Variants in PFKP observed in about 807,000 individuals in gnomAD.
PFKP encodes ATP-dependent 6-phosphofructokinase, platelet type.
PFKP carries 101 observed loss-of-function variants against 94.3 expected under a neutral mutation model. That is an observed-to-expected ratio of 1.07 (90% CI 0.91 to 1.26). The LOEUF is 1.26. Among genes scored for constraint, PFKP ranks in the 50% most tolerant of loss-of-function variants. The pLI, the probability that PFKP is intolerant of heterozygous loss-of-function variation, is 0.00. For missense variants in PFKP, 1,145 were observed against 1,103.3 expected (o/e 1.04, Z -0.53); for synonymous variants, 573 against 432.6 (o/e 1.32, Z -4.03).
chr10:3,083,714 C>T (rs933410590), intron 2 of PFKP, among the ~76,000 whole-genome samples: 9 of 152,166 alleles, frequency 5.9e-5, no homozygotes, highest in African/African-American at 2.2e-4. Context: ...TTGATTTTGG[C>T]TCACTGCAAC....
chr10:3,071,445 T>TTTTTTTTTTTTTTTTTTTG (rs1564254763), intron 1 of PFKP, among the ~76,000 whole-genome samples: 1 of 138,694 alleles, frequency 7.2e-6, no homozygotes, highest in East Asian at 2.2e-4. Context: ...TTTTTTTTTT[T>TTTTTTTTTTTTTTTTTTTG]TTTTCTTTCT....
intron 15 of PFKP, 123 bp from the exon 16 acceptor site, chr10:3,119,769 T>C (rs1459830493): frequency 3.5e-6 from 2 of 575,748 alleles, no homozygotes; most frequent in South Asian, 2.4e-5. Flanking sequence ...TCGGAGTGTT[T>C]TCGTGATGCC....
At chr10:3,110,365 A>ATTTTTTTTTTTTTTTTTTTTT (rs57980780) in intron 10 of PFKP, among the ~76,000 whole-genome samples, 1 of 92,580 alleles carries the variant, frequency 1.1e-5, no homozygotes, top group Non-Finnish European at 2.1e-5. Flanking sequence ...CGCCTGGCTA[A>ATTTTTTTTTTTTTTTTTTTTT]TTTTTTTTTT....
At chr10:3,104,608 C>G (rs868036333) in intron 5 of PFKP, 27 of 209,698 alleles carry the variant, frequency 1.3e-4, no homozygotes, top group Admixed American at 1.1e-4. Context: ...GTGAACCCCA[C>G]AGTTGGTGGA....
chr10:3,067,770 G>A, intron 1 of PFKP, 63 bp downstream of exon 1: 2 of 838,420 alleles, frequency 2.4e-6, no homozygotes, highest in South Asian at 1.9e-5. Context: ...AGAACCGGGC[G>A]AAGGCGATGG....
At chr10:3,116,291 G>A (rs1050014007) in intron 13 of PFKP, among the ~76,000 whole-genome samples, 2 of 152,164 alleles carry the variant, frequency 1.3e-5, no homozygotes, top group African/African-American at 4.8e-5. Flanking sequence ...GGAAGCTGCG[G>A]AGCTGGGGTT....
intron 15 of PFKP, 73 bp downstream of exon 15, chr10:3,118,942 C>CT (rs1448838575): frequency 4.5e-6 from 5 of 1,118,094 alleles, no homozygotes; most frequent in Non-Finnish European, 6.6e-6. Flanking sequence ...CATTAAGCTA[C>CT]TTGTTGGCTA....
chr10:3,109,161 C>T (rs1323745930), intron 9 of PFKP, among the ~76,000 whole-genome samples, 194 bp from the exon 10 acceptor site: 1 of 152,226 alleles, frequency 6.6e-6, no homozygotes, highest in Non-Finnish European at 1.5e-5. Flanking sequence ...TCTCCATGTG[C>T]CCTGACCTCC....
At chr10:3,108,830 C>G (rs371829848) in intron 9 of PFKP, 37 bp downstream of exon 9, 14 of 1,442,930 alleles carry the variant, frequency 9.7e-6, no homozygotes, top group Non-Finnish European at 1.3e-5. Context: ...CACAAGGTCT[C>G]TAGGAGGAAG....
intron 10 of PFKP, among the ~76,000 whole-genome samples, 180 bp from the exon 11 acceptor site, chr10:3,112,042 C>G (rs1204331637): frequency 6.6e-6 from 1 of 152,200 alleles, no homozygotes; most frequent in Non-Finnish European, 1.5e-5. Flanking sequence ...GGCTGGCTGC[C>G]AACCAGCATT....
chr10:3,134,733 T>C, intron 20 of PFKP, 151 bp downstream of exon 20: 1 of 570,990 alleles, frequency 1.8e-6, no homozygotes. Flanking sequence ...GATCTCTGAG[T>C]GTTGCTATTT....
At chr10:3,077,803 G>A (rs1011101502) in intron 1 of PFKP, among the ~76,000 whole-genome samples, 3 of 152,096 alleles carry the variant, frequency 2.0e-5, no homozygotes, top group African/African-American at 7.2e-5. Context: ...TAAAAAGTAC[G>A]GCATATGAAG....
Position 3,136,696 on chromosome 10 carries a change from T to TC in PFKP, c.*117_*118insC. The TC allele has an allele frequency of 3.7e-6, 4 of 1,070,862 alleles. No individual in the cohort carries two copies. Among genetic ancestry groups the TC allele is most frequent in the Non-Finnish European group, 5.4e-6 (4 of 739,194 alleles). The allele number at this position is 1,070,862 out of a possible 1,614,324, so 66.3% of individuals were successfully genotyped here. On this transcript the variant is annotated 3_prime_UTR_variant, in exon 22 of 22. Coordinates refer to ENST00000381125, the MANE Select transcript of PFKP (RefSeq NM_002627.5). ...TTGACATTAATACCTAATCGGCGAG[T>TC]GCCCATCTGCCCCACCTGCTCCAGT...
chr10:3,086,099 G>T (rs1266097594), intron 2 of PFKP, among the ~76,000 whole-genome samples: 2 of 152,120 alleles, frequency 1.3e-5, no homozygotes, highest in African/African-American at 4.8e-5. Context: ...GTTTGGGGAT[G>T]GAGTATCCTG....
chr10:3,084,663 G>C (rs1219987757), intron 2 of PFKP, among the ~76,000 whole-genome samples: 1 of 148,724 alleles, frequency 6.7e-6, no homozygotes. Context: ...CAGGGATGTG[G>C]AATGAGCACA....
At chr10:3,132,643 T>TA (rs1838725039) in intron 18 of PFKP, among the ~76,000 whole-genome samples, 1 of 152,198 alleles carries the variant, frequency 6.6e-6, no homozygotes, top group African/African-American at 2.4e-5. Flanking sequence ...TTTTGCTTTA[T>TA]AGTCTCTTAT....
At position 3,082,427 on chromosome 10, in the gene PFKP, T is replaced by A; in HGVS notation, c.152T>A (p.Ile51Asn). ...AAVRAVVRMG[I>N]YVGAKVYFIY... ...GTCCGTGCCGTGGTGCGCATGGGTA[T>A]CTACGTGGGGGCCAAGGTGTACTTC... Residue 51 changes from isoleucine to asparagine, a missense_variant, in exon 2 of 22, where the codon ATC becomes AAC. Physicochemically the swap from Ile to Asn is moderately radical, Grantham distance 149 (BLOSUM62 -3). This residue lies in a region of PFKP where 1,119 missense variants were observed against 1,062.8 expected (regional missense o/e 1.05). Coordinates refer to ENST00000381125, the MANE Select transcript of PFKP (RefSeq NM_002627.5). 1.9e-6 allele frequency: 3 copies of A among 1,608,228 alleles called. No homozygotes were observed. Among genetic ancestry groups the A allele is most frequent in the Non-Finnish European group, 2.6e-6 (3 of 1,176,200 alleles).
chr10:3,125,885 CAG>C (rs1446278346), intron 16 of PFKP, among the ~76,000 whole-genome samples: 1 of 152,210 alleles, frequency 6.6e-6, no homozygotes, highest in Non-Finnish European at 1.5e-5. Context: ...GCCTTTGCTG[CAG>C]AGACGGTCCT....
chr10:3,092,011 G>T (rs1379088911), intron 2 of PFKP, among the ~76,000 whole-genome samples: 1 of 152,090 alleles, frequency 6.6e-6, no homozygotes, highest in Non-Finnish European at 1.5e-5. Context: ...ATGTTGAAAG[G>T]ATAAAGGGTG....
Sources: gnomAD v4.1 joint callset for allele counts (sites outside exome capture counted in the v4.1 genomes callset) on GRCh38, gnomAD v4.1.1 for gene constraint, gnomAD v4.1.1 regional missense constraint, MANE v1.5 for transcripts, NCBI Gene and HGNC (gene_info 2026-07-23, HGNC 2026-07-21) for gene names.